Variants in ITGA9 observed in about 807,000 individuals in gnomAD.
ITGA9 encodes integrin alpha-9.
Under a neutral mutation model 127.8 loss-of-function variants are expected in ITGA9, and 56 were observed. That is an observed-to-expected ratio of 0.44 (90% CI 0.35 to 0.55). The LOEUF (loss-of-function observed/expected upper bound fraction) is 0.55. Ranked by LOEUF, ITGA9 falls within the 20% of genes least tolerant of loss-of-function variation. The pLI, the probability that ITGA9 is intolerant of heterozygous loss-of-function variation, is 0.00. For synonymous variants in ITGA9, 508 were observed against 514.5 expected (o/e 0.99, Z 0.17); for missense variants, 1,196 against 1,347.1 (o/e 0.89, Z 1.76).
chr3:37,770,757 G>A (rs541445359), intron 23 of ITGA9, among the ~76,000 whole-genome samples: 1 of 152,210 alleles, frequency 6.6e-6, no homozygotes, highest in South Asian at 2.1e-4. Flanking sequence ...CCTCTCACAG[G>A]CCTGGCACCG....
At chr3:37,468,377 G>A (rs1698394041) in intron 1 of ITGA9, among the ~76,000 whole-genome samples, 1 of 152,092 alleles carries the variant, frequency 6.6e-6, no homozygotes, top group South Asian at 2.1e-4. Context: ...TCAGGTTCTA[G>A]GTGTTGAGCT....
At chr3:37,540,821 G>A (rs937399368) in intron 14 of ITGA9, among the ~76,000 whole-genome samples, 54 of 152,190 alleles carry the variant, frequency 3.5e-4, no homozygotes, top group African/African-American at 1.2e-3. Flanking sequence ...TTTCCTGTAT[G>A]CATTATTTTC....
intron 10 of ITGA9, among the ~76,000 whole-genome samples, chr3:37,518,091 C>CGTGTGTGTGTGTGTGTGTGTGT (rs1491416800): frequency 7.7e-4 from 40 of 51,876 alleles, no homozygotes; most frequent in South Asian, 5.7e-3. Flanking sequence ...TGAGAGTGTA[C>CGTGTGTGTGTGTGTGTGTGTGT]GCGTGTGTGT....
chr3:37,681,622 T>G (rs1212896483), intron 17 of ITGA9, among the ~76,000 whole-genome samples: 1 of 152,166 alleles, frequency 6.6e-6, no homozygotes, highest in Non-Finnish European at 1.5e-5. Flanking sequence ...ATACAAACCC[T>G]TATATCCTTA....
chr3:37,803,369 A>C (rs77234328), intron 26 of ITGA9, among the ~76,000 whole-genome samples: 2,587 of 152,312 alleles, frequency 0.017, 35 homozygotes, highest in Middle Eastern at 0.068. Context: ...TTGCAACCAG[A>C]AAATCGTTCA....
intron 23 of ITGA9, among the ~76,000 whole-genome samples, chr3:37,768,411 G>A (rs1696803508): frequency 6.6e-6 from 1 of 152,190 alleles, no homozygotes; most frequent in South Asian, 2.1e-4. Flanking sequence ...AGCCATTGTA[G>A]TATGTGTTCA....
At chr3:37,665,859 C>T (rs951529836) in intron 17 of ITGA9, among the ~76,000 whole-genome samples, 45 of 152,012 alleles carry the variant, frequency 3.0e-4, no homozygotes, top group African/African-American at 9.7e-4. Context: ...AGTTACCTGG[C>T]GGAGGGTGGG....
intron 21 of ITGA9, among the ~76,000 whole-genome samples, chr3:37,743,034 G>T (rs13095741): frequency 0.023 from 3,528 of 152,244 alleles, 95 homozygotes; most frequent in South Asian, 0.13. Context: ...CATGTAATCA[G>T]TCCTTAGAGG....
intron 26 of ITGA9, chr3:37,790,708 C>T (rs1697098949): frequency 1.1e-5 from 2 of 183,644 alleles, no homozygotes; most frequent in Non-Finnish European, 2.2e-5. Flanking sequence ...GGACCAGCCA[C>T]ATCAGCCAGA....
At chr3:37,787,880 C>T (rs1455234818) in intron 26 of ITGA9, among the ~76,000 whole-genome samples, 1 of 152,166 alleles carries the variant, frequency 6.6e-6, no homozygotes, top group African/African-American at 2.4e-5. Flanking sequence ...GGAAAACAAT[C>T]AGATTTTTAA....
At chr3:37,577,788 T>A (rs1472911165) in intron 15 of ITGA9, among the ~76,000 whole-genome samples, 2 of 152,236 alleles carry the variant, frequency 1.3e-5, no homozygotes, top group Admixed American at 6.5e-5. Flanking sequence ...GCAGAACATG[T>A]GAAATTTAAG....
At chr3:37,643,048 A>T (rs1418345642) in intron 16 of ITGA9, among the ~76,000 whole-genome samples, 1 of 152,198 alleles carries the variant, frequency 6.6e-6, no homozygotes, top group Non-Finnish European at 1.5e-5. Context: ...GTAGAAGAGG[A>T]GAGGGAGAAG....
intron 17 of ITGA9, among the ~76,000 whole-genome samples, chr3:37,683,172 A>G (rs992593023): frequency 1.3e-5 from 2 of 152,084 alleles, no homozygotes; most frequent in African/African-American, 2.4e-5. Context: ...CTCCAGCTGC[A>G]CTGACCTCCT....
intron 15 of ITGA9, among the ~76,000 whole-genome samples, chr3:37,542,872 C>G (rs952338839): frequency 6.6e-6 from 1 of 151,992 alleles, no homozygotes; most frequent in African/African-American, 2.4e-5. Context: ...ATCCTCTCCC[C>G]TCTATGAGGC....
intron 26 of ITGA9, among the ~76,000 whole-genome samples, chr3:37,791,919 C>T (rs1467660720): frequency 6.6e-6 from 1 of 152,248 alleles, no homozygotes; most frequent in African/African-American, 2.4e-5. Context: ...ATGAAATAGA[C>T]TGTGACTTGT....
intron 18 of ITGA9, among the ~76,000 whole-genome samples, chr3:37,725,909 C>T (rs1696185533): frequency 6.6e-6 from 1 of 152,196 alleles, no homozygotes; most frequent in Non-Finnish European, 1.5e-5. Context: ...ACACTAATGC[C>T]AAAGGTTTTA....
intron 25 of ITGA9, among the ~76,000 whole-genome samples, chr3:37,783,997 T>C (rs1225359809): frequency 6.6e-6 from 1 of 152,150 alleles, no homozygotes; most frequent in Non-Finnish European, 1.5e-5. Flanking sequence ...TCTTTGAGGG[T>C]TTAACCAAAG....
At chr3:37,687,827 C>G (rs761516144) in intron 18 of ITGA9, among the ~76,000 whole-genome samples, 1 of 152,164 alleles carries the variant, frequency 6.6e-6, no homozygotes, top group Non-Finnish European at 1.5e-5. Flanking sequence ...TACCCTGATA[C>G]AATGATACAG....
intron 26 of ITGA9, among the ~76,000 whole-genome samples, chr3:37,792,488 G>A (rs1456843337): frequency 1.3e-5 from 2 of 152,212 alleles, no homozygotes; most frequent in Non-Finnish European, 2.9e-5. Flanking sequence ...CCAAGCATGA[G>A]GAAGAGTGTC....
Sources: gnomAD v4.1 joint callset for allele counts (sites outside exome capture counted in the v4.1 genomes callset) on GRCh38, gnomAD v4.1.1 for gene constraint, MANE v1.5 for transcripts, NCBI Gene and HGNC (gene_info 2026-07-23, HGNC 2026-07-21) for gene names.